Variants in ARHGAP20 observed in about 807,000 individuals in gnomAD.
The protein encoded by ARHGAP20 is Rho GTPase activating protein 20.
ARHGAP20 carries 34 observed loss-of-function variants against 73.7 expected under a neutral mutation model. The observed-to-expected ratio is 0.46, with a 90% CI of 0.35 to 0.61. The LOEUF (loss-of-function observed/expected upper bound fraction) is 0.61. Ranked by LOEUF, ARHGAP20 falls within the 20% of genes least tolerant of loss-of-function variation. The pLI, the probability that ARHGAP20 is intolerant of heterozygous loss-of-function variation, is 0.00. For synonymous variants in ARHGAP20, 523 were observed against 518.2 expected, an observed-to-expected ratio of 1.01 and a Z score of -0.13; for missense variants, 1,314 against 1,420.9, an observed-to-expected ratio of 0.92 and a Z score of 1.21.
At chr11:110,607,123 A>G (rs1025832305) in intron 8 of ARHGAP20, among the ~76,000 whole-genome samples, 1 of 152,202 alleles carries the variant, frequency 6.6e-6, no homozygotes, top group African/African-American at 2.4e-5. Flanking sequence ...CAGCAAATAC[A>G]TGTCCTTGCT....
In ARHGAP20 at chr11:110,648,238, TAA is replaced by T. The variant is rs1565457601; in HGVS notation, c.189-17448_189-17447del. The stretch of plus-strand genomic sequence containing the variant: ...ATATATATGTATATATATATATATG[TAA>T]ATATATATATGTAAATATATATATG... On this transcript the variant is annotated intron_variant, in intron 2 of 14. Transcript: ENST00000683387. Among the ~76,000 whole-genome samples the T allele has an allele frequency of 3.7e-5, 3 of 80,994 alleles. 1 individual carries two copies. Among genetic ancestry groups the T allele is most frequent in the African/African-American group, 1.8e-4 (3 of 16,914 alleles). 53.1% of individuals were successfully genotyped at this position (80,994 alleles called of 152,430 possible).
chr11:110,709,484 G>A (rs2135161562), intron 1 of ARHGAP20, among the ~76,000 whole-genome samples: 1 of 152,336 alleles, frequency 6.6e-6, no homozygotes, highest in Middle Eastern at 3.4e-3. Flanking sequence ...AGGCCAGGAT[G>A]AATGCTAAGA....
intron 2 of ARHGAP20, among the ~76,000 whole-genome samples, chr11:110,641,125 G>A (rs1282833659): frequency 6.6e-6 from 1 of 151,936 alleles, no homozygotes; most frequent in African/African-American, 2.4e-5. Flanking sequence ...ATGCTGATGG[G>A]AGCATATGCG....
chr11:110,660,502 C>T (rs1488315140), intron 2 of ARHGAP20, among the ~76,000 whole-genome samples: 1 of 152,150 alleles, frequency 6.6e-6, no homozygotes, highest in Non-Finnish European at 1.5e-5. Context: ...GTGGAAAGTG[C>T]TGGCAGGTCA....
intron 1 of ARHGAP20, among the ~76,000 whole-genome samples, chr11:110,702,430 T>C (rs1383180260): frequency 6.6e-6 from 1 of 152,172 alleles, no homozygotes; most frequent in Admixed American, 6.5e-5. Flanking sequence ...GCCAATATCA[T>C]ACTGAATGGG....
At chr11:110,681,158 T>G (rs1163287042) in intron 2 of ARHGAP20, among the ~76,000 whole-genome samples, 1 of 152,216 alleles carries the variant, frequency 6.6e-6, no homozygotes, top group Non-Finnish European at 1.5e-5. Context: ...AATTGGCATG[T>G]TATGCAAGAC....
chr11:110,710,283 C>T (rs940307174), intron 1 of ARHGAP20, among the ~76,000 whole-genome samples: 2 of 152,008 alleles, frequency 1.3e-5, no homozygotes, highest in African/African-American at 2.4e-5. Flanking sequence ...TCATAACAAA[C>T]GACAGCATCT....
chr11:110,589,791 T>G, intron 11 of ARHGAP20: 1 of 833,138 alleles, frequency 1.2e-6, no homozygotes, highest in Non-Finnish European at 1.4e-6. Flanking sequence ...AAAGGAAAAC[T>G]TAGATGCTGA....
At chr11:110,627,680 T>C (rs1379839100) in intron 3 of ARHGAP20, among the ~76,000 whole-genome samples, 1 of 152,226 alleles carries the variant, frequency 6.6e-6, no homozygotes, top group African/African-American at 2.4e-5. Context: ...TACTATTTGC[T>C]TATTCTCATA....
intron 5 of ARHGAP20, among the ~76,000 whole-genome samples, chr11:110,615,006 G>A (rs1948452899): frequency 6.6e-6 from 1 of 152,146 alleles, no homozygotes; most frequent in Non-Finnish European, 1.5e-5. Context: ...CCAAACCAAA[G>A]CAATGACCTT....
intron 2 of ARHGAP20, among the ~76,000 whole-genome samples, chr11:110,653,299 G>T (rs1264150020): frequency 6.6e-6 from 1 of 152,098 alleles, no homozygotes; most frequent in Non-Finnish European, 1.5e-5. Context: ...TACAGAACGG[G>T]AGAAAATTTT....
At chr11:110,613,187 A>T (rs1948407998) in intron 6 of ARHGAP20, among the ~76,000 whole-genome samples, 1 of 152,240 alleles carries the variant, frequency 6.6e-6, no homozygotes, top group South Asian at 2.1e-4. Flanking sequence ...AAAACAAATG[A>T]ATTTCAGCAG....
intron 2 of ARHGAP20, among the ~76,000 whole-genome samples, chr11:110,640,476 C>T (rs1057375407): frequency 6.6e-6 from 1 of 151,960 alleles, no homozygotes; most frequent in Non-Finnish European, 1.5e-5. Context: ...TGAAATGAAG[C>T]TACAAAAACC....
At position 110,577,740 on chromosome 11, in the gene ARHGAP20, G is replaced by A. The variant is rs1320743113; in HGVS notation, c.*1630C>T. On this transcript the variant is annotated 3_prime_UTR_variant, in exon 15 of 15. Coordinates refer to ENST00000683387, the MANE Select transcript of ARHGAP20 (RefSeq NM_001384657.1). ...GCTCTTTGGATACAGAGTTCTAAAAGATCATTGTAATGGTTAGCGCAAACA... is the reference window on the plus strand; with the variant it reads ...GCTCTTTGGATACAGAGTTCTAAAAAATCATTGTAATGGTTAGCGCAAACA... 1.0e-6 allele frequency: 1 copy of A among 985,784 alleles called. No individual in the cohort carries two copies. 61.1% of individuals were successfully genotyped at this position (985,784 alleles called of 1,614,324 possible).
rs1003660644 is a variant in ARHGAP20, at chr11:110,583,582, G to A, written c.1571C>T (p.Ser524Phe). 42 of 1,610,832 alleles carry A rather than the reference G, an allele frequency of 2.6e-5. No individual in the cohort carries two copies. In the East Asian group the frequency reaches 9.4e-4, roughly 36 times the overall value. The change falls in exon 13 of 15, where the codon TCC becomes TTC. Residue 524 changes from serine (S) to phenylalanine (F), a missense_variant. Around this residue, in one of 3 missense-constraint regions of ARHGAP20, gnomAD observed 230 missense variants for 317.6 expected, o/e 0.72. Transcript: ENST00000683387. Reference protein sequence around the residue: ...APSILWPPASSSPELENEFTK... With the variant: ...APSILWPPASFSPELENEFTK... ...AAATTCGTTTTCTAGTTCTGGGCTG[G>A]AGGAAGCAGGAGGCCAAAGAATACT...
rs561205875 is a variant in ARHGAP20, at chr11:110,697,886, G to C, written c.106-7257C>G. On this transcript the variant is annotated intron_variant, in intron 1 of 14. Coordinates refer to ENST00000683387, the MANE Select transcript of ARHGAP20 (RefSeq NM_001384657.1). Reference sequence around the variant, plus strand: ...ACTCTGGATATGTTCTGTTTGCTTAGGATGGCTTTGGCTATTTGGGCTCTT... The same window carrying C: ...ACTCTGGATATGTTCTGTTTGCTTACGATGGCTTTGGCTATTTGGGCTCTT... Among the ~76,000 whole-genome samples the C allele has an allele frequency of 3.9e-5, 6 of 151,918 alleles. 1 individual carries two copies. Among genetic ancestry groups the C allele is most frequent in the South Asian group, 2.1e-4 (1 of 4,828 alleles).
intron 2 of ARHGAP20, among the ~76,000 whole-genome samples, chr11:110,683,305 G>T (rs967776185): frequency 6.6e-6 from 1 of 152,016 alleles, no homozygotes; most frequent in African/African-American, 2.4e-5. Context: ...GTGGCATTTT[G>T]CTGCATGAAA....
At chr11:110,605,525 A>C (rs994262406) in intron 9 of ARHGAP20, among the ~76,000 whole-genome samples, 2 of 152,146 alleles carry the variant, frequency 1.3e-5, no homozygotes, top group African/African-American at 4.8e-5. Context: ...GGCAAAAAAA[A>C]CTCTTTACAA....
chr11:110,623,531 T>C (rs564226118), intron 4 of ARHGAP20, among the ~76,000 whole-genome samples: 1 of 152,352 alleles, frequency 6.6e-6, no homozygotes, highest in South Asian at 2.1e-4. Flanking sequence ...TTGCTTTTTA[T>C]TGTCACATCT....
Sources: gnomAD v4.1 joint callset for allele counts (sites outside exome capture counted in the v4.1 genomes callset) on GRCh38, gnomAD v4.1.1 for gene constraint, gnomAD v4.1.1 regional missense constraint, MANE v1.5 for transcripts, NCBI Gene and HGNC (gene_info 2026-07-23, HGNC 2026-07-21) for gene names.